Variants in DSCAML1 observed in about 807,000 individuals in gnomAD.
DSCAML1 encodes DS cell adhesion molecule like 1.
Under a neutral mutation model 200.5 loss-of-function variants are expected in DSCAML1, and 38 were observed. The observed-to-expected ratio is 0.19, with a 90% CI of 0.15 to 0.25. The LOEUF (loss-of-function observed/expected upper bound fraction) is 0.25. Among genes scored for constraint, DSCAML1 ranks in the 10% least tolerant of loss-of-function variants. DSCAML1 has a pLI of 1.00. For missense variants in DSCAML1, 2,223 were observed against 2,858.8 expected (o/e 0.78, Z 5.07); for synonymous variants, 1,215 against 1,165.0 (o/e 1.04, Z -0.87).
chr11:117,697,998 T>C (rs2053612759), intron 3 of DSCAML1, among the ~76,000 whole-genome samples: 1 of 152,120 alleles, frequency 6.6e-6, no homozygotes. Flanking sequence ...TCTCGATCTC[T>C]TGACTTCGTG....
chr11:117,569,011 C>A (rs1384711930), intron 3 of DSCAML1, among the ~76,000 whole-genome samples: 3 of 152,046 alleles, frequency 2.0e-5, no homozygotes, highest in Non-Finnish European at 4.4e-5. Context: ...GGTACTGGTA[C>A]CAAAACAGAG....
At chr11:117,808,964 T>G (rs1180169642) in intron 1 of DSCAML1, among the ~76,000 whole-genome samples, 1 of 152,166 alleles carries the variant, frequency 6.6e-6, no homozygotes, top group Admixed American at 6.5e-5. Flanking sequence ...ACTAAAGGAC[T>G]TCCCCAGGGC....
chr11:117,555,732 G>A (rs961207215), intron 3 of DSCAML1, among the ~76,000 whole-genome samples: 2 of 152,118 alleles, frequency 1.3e-5, no homozygotes, highest in African/African-American at 4.8e-5. Flanking sequence ...GACCAGAGAG[G>A]AGCCTGCCTT....
At chr11:117,706,924 C>T (rs1308921591) in intron 3 of DSCAML1, among the ~76,000 whole-genome samples, 2 of 152,164 alleles carry the variant, frequency 1.3e-5, no homozygotes, top group African/African-American at 4.8e-5. Flanking sequence ...AGGGAGGCGA[C>T]CACACACCTT....
rs564991108 is a variant in DSCAML1, at chr11:117,642,958, G to A, written c.512-110436C>T. Among the ~76,000 whole-genome samples the A allele has an allele frequency of 8.5e-5, 13 of 152,250 alleles. No homozygotes were observed. In the South Asian group the frequency reaches 2.3e-3, roughly 27 times the overall value. ...TTCCCCAACCTTCCTCACCAGAAAC[G>A]CAAAACTCCTTTGATTTGCCTGTAT... On this transcript the variant is annotated intron_variant, in intron 3 of 32. Transcript: ENST00000651296. This position sits in a 1 kb window ranked among gnomAD's most constrained non-coding sequence, Gnocchi z 4.1.
At chr11:117,613,475 T>TGG (rs1485742244) in intron 3 of DSCAML1, among the ~76,000 whole-genome samples, 2 of 151,992 alleles carry the variant, frequency 1.3e-5, no homozygotes, top group African/African-American at 4.8e-5. Context: ...ACAATACACT[T>TGG]TGTGAGAGGA....
intron 3 of DSCAML1, among the ~76,000 whole-genome samples, chr11:117,740,826 C>T (rs1258770038): frequency 2.0e-5 from 3 of 152,252 alleles, no homozygotes; most frequent in Non-Finnish European, 4.4e-5. Context: ...TGCACACTCG[C>T]ATCTCCAGAA....
At chr11:117,535,679 G>A (rs2050155408) in intron 3 of DSCAML1, among the ~76,000 whole-genome samples, 1 of 152,120 alleles carries the variant, frequency 6.6e-6, no homozygotes, top group Non-Finnish European at 1.5e-5. Flanking sequence ...TATGTAACTG[G>A]GACTGGAATG....
chr11:117,807,565 C>T (rs1381256851), intron 1 of DSCAML1, among the ~76,000 whole-genome samples: 1 of 152,202 alleles, frequency 6.6e-6, no homozygotes, highest in Non-Finnish European at 1.5e-5. Context: ...GGGAACAGAA[C>T]ACCGACCCTG....
chr11:117,545,597 G>T (rs2050359357), intron 3 of DSCAML1, among the ~76,000 whole-genome samples: 1 of 152,170 alleles, frequency 6.6e-6, no homozygotes, highest in Non-Finnish European at 1.5e-5. Flanking sequence ...AGCCAATTCT[G>T]AAGGTCACCA....
chr11:117,752,137 C>A (rs1401553673), intron 3 of DSCAML1, among the ~76,000 whole-genome samples: 1 of 152,100 alleles, frequency 6.6e-6, no homozygotes, highest in African/African-American at 2.4e-5. Context: ...GTCAAAAGTC[C>A]CAATTCCCAG....
intron 29 of DSCAML1, among the ~76,000 whole-genome samples, chr11:117,432,852 C>G (rs556321467): frequency 6.6e-6 from 1 of 151,676 alleles, no homozygotes; most frequent in East Asian, 1.9e-4. Context: ...CTCAAGTGAT[C>G]CTCCCTCCTT....
chr11:117,436,851 T>C (rs12098936), intron 26 of DSCAML1, among the ~76,000 whole-genome samples: 2,503 of 152,314 alleles, frequency 0.016, 63 homozygotes, highest in African/African-American at 0.057. Context: ...GATTGAGGAC[T>C]GCAGCTTCAA....
intron 3 of DSCAML1, among the ~76,000 whole-genome samples, chr11:117,616,008 C>T (rs1376140976): frequency 6.6e-6 from 1 of 152,118 alleles, no homozygotes; most frequent in Admixed American, 6.5e-5. Flanking sequence ...TGTAGGCAGC[C>T]CTGAGACTGT....
Position 117,504,853 on chromosome 11 carries a change from A to G in DSCAML1, c.2182+71T>C. The G allele has an allele frequency of 1.3e-6, 2 of 1,531,722 alleles. No homozygotes were observed. Among genetic ancestry groups the G allele is most frequent in the Non-Finnish European group, 1.8e-6 (2 of 1,134,866 alleles). The allele number at this position is 1,531,722 out of a possible 1,614,324, so 94.9% of individuals were successfully genotyped here. On this transcript the variant is annotated intron_variant, in intron 10 of 32. Transcript: ENST00000651296. This position sits in a 1 kb window ranked among gnomAD's most constrained non-coding sequence, Gnocchi z 5.0. ...GGAGTTGCCTGCATGGAACAGGTTC[A>G]AATCCCACAGAGCATCCTCCGTTCC...
rs71037497 is a variant in DSCAML1 at position 117,769,552 on chromosome 11, A to ATATATTATATATTTTTTATATATATTT, written c.511+7238_511+7239insAAATATATATAAAAAATATATAATATA. 1.2e-4 allele frequency among the ~76,000 whole-genome samples: 8 copies of ATATATTATATATTTTTTATATATATTT among 67,912 alleles called. 1 individual carries two copies. The highest frequency in any genetic ancestry group is 2.0e-4 in the Non-Finnish European group (8 of 40,552). The allele number at this position is 67,912 out of a possible 152,430, so 44.6% of individuals were successfully genotyped here. ...ATTTTATATATATTATATATTTTAT[A>ATATATTATATATTTTTTATATATATTT]TATATATTTTATATATATTATATAT... is the stretch of plus-strand genomic sequence containing the variant. On this transcript the variant is annotated intron_variant, in intron 3 of 32. Coordinates refer to ENST00000651296, the MANE Select transcript of DSCAML1 (RefSeq NM_020693.4).
chr11:117,711,683 C>T lies in DSCAML1; in HGVS notation c.511+65108G>A, dbSNP rs184668302. 5.6e-3 allele frequency among the ~76,000 whole-genome samples: 855 copies of T among 152,316 alleles called. 5 individuals are homozygous for T. Among genetic ancestry groups the T allele is most frequent in the Admixed American group, 9.9e-3 (152 of 15,302 alleles). On this transcript the variant is annotated intron_variant, in intron 3 of 32. Coordinates refer to ENST00000651296, the MANE Select transcript of DSCAML1 (RefSeq NM_020693.4). ...GCTCAAGAAAGAAGATTCAATTCTG[C>T]CGGTCCTTTTTTTTCCTCCAATTTT...
chr11:117,552,236 A>G (rs1427052503), intron 3 of DSCAML1, among the ~76,000 whole-genome samples: 2 of 152,102 alleles, frequency 1.3e-5, no homozygotes, highest in East Asian at 3.9e-4. Flanking sequence ...CGCCTTGACA[A>G]TTGTCTCAAC....
Position 117,532,397 on chromosome 11 carries a change from C to A in DSCAML1, c.637G>T (p.Gly213Trp), listed in dbSNP as rs1342025771. The A allele has an allele frequency of 1.2e-6, 2 of 1,614,036 alleles. No homozygotes were observed. The highest frequency in any genetic ancestry group is 1.7e-5 in the Admixed American group (1 of 60,022). Residue 213 changes from glycine (G) to tryptophan (W), a missense_variant, in exon 4 of 33, where the codon GGG becomes TGG. By Grantham distance (184) the Gly-to-Trp change is radical. Around this residue, in one of 7 missense-constraint regions of DSCAML1, gnomAD observed 579 missense variants for 721.5 expected, o/e 0.80. Coordinates refer to ENST00000651296, the MANE Select transcript of DSCAML1 (RefSeq NM_020693.4). ...KYSGETRQSN[G>W]ARLSVTDPAE... ...CTACCTGTCACAGAGAGGCGTGCCCCATTGCTCTGCCGGGTCTCCCCGCTA... is the reference window on the plus strand; with the variant it reads ...CTACCTGTCACAGAGAGGCGTGCCCAATTGCTCTGCCGGGTCTCCCCGCTA...
Sources: gnomAD v4.1 joint callset for allele counts (sites outside exome capture counted in the v4.1 genomes callset) on GRCh38, gnomAD v4.1.1 for gene constraint, gnomAD v4.1.1 regional missense constraint, Gnocchi (gnomAD v3.1) non-coding constraint, MANE v1.5 for transcripts, NCBI Gene and HGNC (gene_info 2026-07-23, HGNC 2026-07-21) for gene names.